The following ACTN1 variants were observed in gnomAD, a reference collection of about 807,000 sequenced individuals.
The protein encoded by ACTN1 is alpha-actinin-1.
ACTN1 carries 30 observed loss-of-function variants against 119.6 expected under a neutral mutation model. The ratio of observed to expected loss-of-function variants is 0.25; its 90% CI spans 0.19 to 0.34. The LOEUF (loss-of-function observed/expected upper bound fraction) is 0.34, where lower values mean the gene tolerates loss of function less well. Among genes scored for constraint, ACTN1 ranks in the 10% least tolerant of loss-of-function variants. The pLI, the probability that ACTN1 is intolerant of heterozygous loss-of-function variation, is 1.00. For synonymous variants in ACTN1, 429 were observed against 472.6 expected (o/e 0.91, Z 1.20); for missense variants, 764 against 1,223.4 (o/e 0.62, Z 5.60).
At chr14:68,943,970 G>C (rs1447143781) in intron 1 of ACTN1, among the ~76,000 whole-genome samples, 4 of 152,186 alleles carry the variant, frequency 2.6e-5, no homozygotes, top group Admixed American at 1.3e-4. Flanking sequence ...CTGCCCACCA[G>C]CCTGCACCAG....
chr14:68,962,734 A>C (rs937440840), intron 1 of ACTN1, among the ~76,000 whole-genome samples: 3 of 152,228 alleles, frequency 2.0e-5, no homozygotes, highest in Non-Finnish European at 4.4e-5. Flanking sequence ...CCCCTCTTTC[A>C]AATGACAGCC....
At chr14:68,876,567 A>T (rs778459494) in intron 21 of ACTN1, among the ~76,000 whole-genome samples, 1 of 152,062 alleles carries the variant, frequency 6.6e-6, no homozygotes. Flanking sequence ...CATGGAGACA[A>T]CCCCCTGCAT....
At chr14:68,875,465 C>T (rs559131879) in intron 21 of ACTN1, among the ~76,000 whole-genome samples, 74 of 152,384 alleles carry the variant, frequency 4.9e-4, no homozygotes, top group Admixed American at 6.5e-4. Context: ...ATTAAGAACA[C>T]CATCCATGTT....
At chr14:68,932,759 T>G (rs772786093) in intron 1 of ACTN1, among the ~76,000 whole-genome samples, 28 of 152,058 alleles carry the variant, frequency 1.8e-4, no homozygotes, top group Non-Finnish European at 3.4e-4. Context: ...ATTTGGGGTC[T>G]GAAAAATTTT....
At chr14:68,932,765 A>T (rs920840043) in intron 1 of ACTN1, among the ~76,000 whole-genome samples, 1 of 151,848 alleles carries the variant, frequency 6.6e-6, no homozygotes, top group African/African-American at 2.4e-5. Context: ...GGTCTGAAAA[A>T]TTTTTTGGTG....
At chr14:68,949,135 A>G (rs142109860) in intron 1 of ACTN1, among the ~76,000 whole-genome samples, 1,549 of 152,322 alleles carry the variant, frequency 0.01, 30 homozygotes, top group African/African-American at 0.036. Flanking sequence ...TCTTTTTCAC[A>G]CTAACCCTCT....
At chr14:68,892,413 C>T (rs879485735) in intron 9 of ACTN1, 130 bp from the exon 10 acceptor site, 20 of 893,532 alleles carry the variant, frequency 2.2e-5, no homozygotes, top group Non-Finnish European at 3.3e-5. Flanking sequence ...CACTCCTTCC[C>T]AACCACTGAC....
At chr14:68,904,549 C>A in intron 7 of ACTN1, 106 bp downstream of exon 7, 1 of 949,254 alleles carries the variant, frequency 1.1e-6, no homozygotes, top group Admixed American at 2.0e-5. Flanking sequence ...CCCAGAAGAC[C>A]AGGCCTCCTC....
At position 68,910,040 on chromosome 14, in the gene ACTN1, T is replaced by A. The variant is rs1392264997; in HGVS notation, c.430A>T (p.Thr144Ser). ...FAIQDISVEE[T>S]SAKEGLLLWC... ...AGGAGCAGCCCTTCCTTGGCTGAAG[T>A]CTCTATGGGGAAGGGGATGGGCAGC... The change falls in exon 5 of 22, where the codon ACT becomes TCT. Residue 144 changes from threonine (T) to serine (S), a missense_variant and splice_region_variant. This residue lies in a region of ACTN1 where 54 missense variants were observed against 153.2 expected (regional missense o/e 0.35). Coordinates refer to ENST00000394419, the MANE Select transcript of ACTN1 (RefSeq NM_001130004.2). 1.9e-6 allele frequency: 3 copies of A among 1,613,220 alleles called. No homozygotes were observed. Among genetic ancestry groups the A allele is most frequent in the Non-Finnish European group, 2.5e-6 (3 of 1,179,690 alleles).
Position 68,925,750 on chromosome 14 carries a change from A to AG in ACTN1, c.106-79dup, listed in dbSNP as rs1370831452. The AG allele has an allele frequency of 1.7e-6, 2 of 1,162,664 alleles. No individual in the cohort carries two copies. The highest frequency in any genetic ancestry group is 1.5e-5 in the African/African-American group (1 of 65,468). 72.0% of individuals were successfully genotyped at this position (1,162,664 alleles called of 1,614,324 possible). ...ATTGGACAAGCCATTTAATGGTGCC[A>AG]GGGGGTGGGAGGTGGACACCTACTC... is the stretch of plus-strand genomic sequence containing the variant. On this transcript the variant is annotated intron_variant, in intron 1 of 21. Coordinates refer to ENST00000394419, the MANE Select transcript of ACTN1 (RefSeq NM_001130004.2). The surrounding 1 kb of genome is among the most constrained non-coding windows in gnomAD (Gnocchi z 4.3).
At chr14:68,972,109 T>A (rs575466458) in intron 1 of ACTN1, among the ~76,000 whole-genome samples, 1 of 152,000 alleles carries the variant, frequency 6.6e-6, no homozygotes, top group Non-Finnish European at 1.5e-5. Flanking sequence ...TAGACAGAGG[T>A]TAGGGAGAAA....
chr14:68,893,593 G>A (rs921142047), intron 9 of ACTN1, 62 bp downstream of exon 9: 1 of 1,473,546 alleles, frequency 6.8e-7, no homozygotes, highest in Non-Finnish European at 9.4e-7. Context: ...AGACTTGGAG[G>A]TACACGTTCT....
chr14:68,889,855 A>C (rs1398163739), intron 11 of ACTN1, among the ~76,000 whole-genome samples: 1 of 152,150 alleles, frequency 6.6e-6, no homozygotes, highest in Non-Finnish European at 1.5e-5. Context: ...CAAAGTGAAC[A>C]CTCACACAGC....
chr14:68,892,263 G>A lies in ACTN1; in HGVS notation c.876C>T (p.Arg292=), dbSNP rs1328483127. ...CCCGGTTCTCCAGCCACGGGATTGT[G>A]CGGCGGATCCACTCCAACAGCTAGG... ...LASDLLEWIR[R]TIPWLENRVP... Residue 292 remains arginine (R), a synonymous_variant, in exon 10 of 22, where the codon CGC becomes CGT. Transcript: ENST00000394419. 1 of 1,613,480 alleles carries A rather than the reference G, an allele frequency of 6.2e-7. No individual in the cohort carries two copies. Among genetic ancestry groups the A allele is most frequent in the Non-Finnish European group, 8.5e-7 (1 of 1,179,564 alleles).
rs1159534466 is a variant in ACTN1 at position 68,979,083 on chromosome 14, A to AT, written c.-28dup. On this transcript the variant is annotated 5_prime_UTR_variant, in exon 1 of 22. Coordinates refer to ENST00000394419, the MANE Select transcript of ACTN1 (RefSeq NM_001130004.2). ...ATGGTGCGCGCGTGCTAGGGTCTGGATTTCTTCCTCCACCTTCTCTCTGAG... is the reference window on the plus strand; with the variant it reads ...ATGGTGCGCGCGTGCTAGGGTCTGGATTTTCTTCCTCCACCTTCTCTCTGAG... 7.1e-7 allele frequency: 1 copy of AT among 1,399,698 alleles called. No individual in the cohort carries two copies. The highest frequency in any genetic ancestry group is 9.7e-7 in the Non-Finnish European group (1 of 1,032,570). The allele number at this position is 1,399,698 out of a possible 1,614,324, so 86.7% of individuals were successfully genotyped here.
intron 2 of ACTN1, among the ~76,000 whole-genome samples, chr14:68,924,193 C>T (rs903328987): frequency 2.6e-5 from 4 of 152,176 alleles, no homozygotes; most frequent in Non-Finnish European, 5.9e-5. Context: ...TGGACGGTGG[C>T]GATGGCTGCA....
In ACTN1 at chr14:68,878,570, G is replaced by A. The variant is rs770100117; in HGVS notation, c.2362-47C>T. On this transcript the variant is annotated intron_variant, in intron 19 of 21. Coordinates refer to ENST00000394419, the MANE Select transcript of ACTN1 (RefSeq NM_001130004.2). The surrounding 1 kb of genome is among the most constrained non-coding windows in gnomAD (Gnocchi z 4.4). ...AGACACAAGGAGGGTCGGGAAGGCA[G>A]GAAGAGGAAGGGCCGGCCCGGGGCC... The A allele has an allele frequency of 2.0e-5, 33 of 1,611,664 alleles. No individual in the cohort carries two copies. The South Asian group carries it at 3.5e-4, about 17-fold the overall frequency.
At chr14:68,968,004 G>A (rs535210041) in intron 1 of ACTN1, among the ~76,000 whole-genome samples, 1 of 152,290 alleles carries the variant, frequency 6.6e-6, no homozygotes, top group African/African-American at 2.4e-5. Flanking sequence ...TTATCAAGAA[G>A]TAATAAAAGC....
rs779454401 is a variant in ACTN1, at chr14:68,882,966, C to T, written c.1725G>A (p.Val575=). 6.2e-7 allele frequency: 1 copy of T among 1,614,204 alleles called. No homozygotes were observed. The highest frequency in any genetic ancestry group is 8.5e-7 in the Non-Finnish European group (1 of 1,180,040). ...RLAILGIHNE[V]SKIVQTYHVN... Reference sequence around the variant, plus strand: ...CGTGGTAGGTCTGGACAATCTTGGACACCTCATTGTGGATGCCCAGGATGG... The same window carrying T: ...CGTGGTAGGTCTGGACAATCTTGGATACCTCATTGTGGATGCCCAGGATGG... Residue 575 remains valine (V), a synonymous_variant, in exon 15 of 22, where the codon GTG becomes GTA. Transcript: ENST00000394419. The surrounding 1 kb of genome is among the most constrained non-coding windows in gnomAD (Gnocchi z 4.5).
Sources: allele counts gnomAD v4.1 joint callset (sites outside exome capture counted in the v4.1 genomes callset), GRCh38; gene constraint gnomAD v4.1.1; regional missense constraint gnomAD v4.1.1; non-coding constraint Gnocchi (gnomAD v3.1); transcripts MANE v1.5; gene names NCBI Gene and HGNC (gene_info 2026-07-23, HGNC 2026-07-21).